Variants in ANKS1A observed in about 807,000 individuals in gnomAD.
The protein encoded by ANKS1A is ankyrin repeat and SAM domain-containing protein 1A.
ANKS1A carries 55 observed loss-of-function variants against 120.3 expected under a neutral mutation model. That is an observed-to-expected ratio of 0.46 (90% CI 0.37 to 0.57). ANKS1A has a LOEUF of 0.57. Among genes scored for constraint, ANKS1A ranks in the 20% least tolerant of loss-of-function variants. The pLI is 0.00. For missense variants in ANKS1A, 1,123 were observed against 1,480.3 expected, an observed-to-expected ratio of 0.76 and a Z score of 3.96; for synonymous variants, 590 against 604.7, an observed-to-expected ratio of 0.98 and a Z score of 0.36.
chr6:35,060,475 C>A lies in ANKS1A; in HGVS notation c.2184+222C>A, dbSNP rs1481132684. ...GCCCCAGAAACGGCTCCAGAGGGAGCTCTCTTTGCAGATCTGCTTCCCAAG... is the reference window on the plus strand; with the variant it reads ...GCCCCAGAAACGGCTCCAGAGGGAGATCTCTTTGCAGATCTGCTTCCCAAG... On this transcript the variant is annotated intron_variant, in intron 13 of 23. Coordinates refer to ENST00000360359, the MANE Select transcript of ANKS1A (RefSeq NM_015245.3). The surrounding 1 kb of genome is among the most constrained non-coding windows in gnomAD (Gnocchi z 4.5). Among the ~76,000 whole-genome samples the A allele has an allele frequency of 6.6e-6, 1 of 152,200 alleles. No homozygotes were observed. The highest frequency in any genetic ancestry group is 1.5e-5 in the Non-Finnish European group (1 of 68,032).
chr6:35,054,212 C>A (rs377670228), intron 12 of ANKS1A, 47 bp downstream of exon 12: 1 of 1,580,312 alleles, frequency 6.3e-7, no homozygotes, highest in Non-Finnish European at 8.7e-7. Context: ...GGCAGTCTGG[C>A]TCTTTTCTGG....
At chr6:34,993,780 A>T (rs554439829) in intron 9 of ANKS1A, among the ~76,000 whole-genome samples, 2 of 152,298 alleles carry the variant, frequency 1.3e-5, no homozygotes, top group Non-Finnish European at 2.9e-5. Flanking sequence ...TGCATATTAG[A>T]AAAGAAACGT....
chr6:34,966,390 GA>G (rs373020068), intron 1 of ANKS1A, among the ~76,000 whole-genome samples: 33 of 151,618 alleles, frequency 2.2e-4, no homozygotes, highest in East Asian at 9.7e-4. Context: ...CTTTTTGGGG[GA>G]AAAAAAATAG....
intron 1 of ANKS1A, among the ~76,000 whole-genome samples, chr6:34,925,889 T>A (rs969775406): frequency 6.6e-6 from 1 of 152,160 alleles, no homozygotes; most frequent in African/African-American, 2.4e-5. Context: ...GCTATAAATT[T>A]CATACAGCAT....
chr6:35,030,160 A>G (rs1411969539), intron 11 of ANKS1A, among the ~76,000 whole-genome samples: 1 of 152,224 alleles, frequency 6.6e-6, no homozygotes, highest in Non-Finnish European at 1.5e-5. Context: ...TTATTTCAGC[A>G]TTAATTAGCA....
chr6:34,985,375 C>A, intron 8 of ANKS1A, 97 bp downstream of exon 8: 1 of 1,277,382 alleles, frequency 7.8e-7, no homozygotes, highest in East Asian at 2.4e-5. Flanking sequence ...TCCCTGGTGC[C>A]AGCTCATGTT....
chr6:34,916,514 T>A (rs1294085150), intron 1 of ANKS1A, among the ~76,000 whole-genome samples: 3 of 152,174 alleles, frequency 2.0e-5, no homozygotes, highest in Non-Finnish European at 4.4e-5. Context: ...AAGCCTCTAT[T>A]TTAAGAAGAA....
At chr6:35,078,484 G>A in intron 13 of ANKS1A, 74 bp from the exon 14 acceptor site, 1 of 1,399,748 alleles carries the variant, frequency 7.1e-7, no homozygotes, top group Non-Finnish European at 1.0e-6. Flanking sequence ...GGCCCTGAAA[G>A]GCCCACCTGA....
chr6:35,083,122 T>C (rs1368370187), intron 18 of ANKS1A, 33 bp from the exon 19 acceptor site: 1 of 1,610,872 alleles, frequency 6.2e-7, no homozygotes, highest in South Asian at 1.1e-5. Context: ...AAACGCAGGA[T>C]TTCCTAAGCC....
intron 23 of ANKS1A, among the ~76,000 whole-genome samples, chr6:35,087,384 G>A (rs1044753473): frequency 2.0e-5 from 3 of 152,186 alleles, no homozygotes; most frequent in Admixed American, 1.3e-4. Flanking sequence ...TGTGAACCCC[G>A]ACGGGCAGGG....
chr6:34,975,844 C>G (rs1443169720), intron 3 of ANKS1A, among the ~76,000 whole-genome samples: 2 of 151,888 alleles, frequency 1.3e-5, no homozygotes, highest in Non-Finnish European at 2.9e-5. Context: ...TGATTCAAAT[C>G]TAACCTCCTT....
chr6:34,998,229 C>A (rs1269704156), intron 10 of ANKS1A, among the ~76,000 whole-genome samples: 1 of 152,170 alleles, frequency 6.6e-6, no homozygotes, highest in African/African-American at 2.4e-5. Flanking sequence ...TTCTGTATTT[C>A]CTTTAATGTC....
At position 35,088,877 on chromosome 6, in the gene ANKS1A, G is replaced by GT; in HGVS notation, c.*273dup. ...AGAAGTGACTTGTTCAGAACACATT[G>GT]TTTTTAACAGAAAAAAAATCTTTTT... On this transcript the variant is annotated 3_prime_UTR_variant, in exon 24 of 24. Transcript: ENST00000360359. 1 of 1,415,692 alleles carries GT rather than the reference G, an allele frequency of 7.1e-7. No individual in the cohort carries two copies. Among genetic ancestry groups the GT allele is most frequent in the South Asian group, 1.6e-5 (1 of 63,566 alleles). 87.7% of individuals were successfully genotyped at this position (1,415,692 alleles called of 1,614,324 possible). A position where few individuals can be genotyped will look rare whatever the true frequency, so the allele number is the denominator to read the frequency against.
At chr6:34,909,163 C>G (rs1217227856) in intron 1 of ANKS1A, among the ~76,000 whole-genome samples, 4 of 152,140 alleles carry the variant, frequency 2.6e-5, no homozygotes, top group Non-Finnish European at 5.9e-5. Flanking sequence ...TTTTTCTCCA[C>G]CGTACACCCA....
chr6:35,076,079 G>A (rs1223045956), intron 13 of ANKS1A, among the ~76,000 whole-genome samples: 1 of 152,082 alleles, frequency 6.6e-6, no homozygotes, highest in African/African-American at 2.4e-5. Flanking sequence ...TTCTTATTAT[G>A]TAAAGAACTC....
In ANKS1A at chr6:35,085,771, G is replaced by A; in HGVS notation, c.3138G>A (p.Leu1046=). The change falls in exon 22 of 24, where the codon CTG becomes CTA. Residue 1046 remains leucine (L), a synonymous_variant. Coordinates refer to ENST00000360359, the MANE Select transcript of ANKS1A (RefSeq NM_015245.3). The surrounding 1 kb of genome is among the most constrained non-coding windows in gnomAD (Gnocchi z 4.7). ...GGTGATCTGCTTCCTCCCAGAACCT[G>A]ACCTACGAGATCATCCTGACGCTGG... ...CHVFSTVDVN[L]TYEIILTLGQ... 3 of 1,589,852 alleles carry A rather than the reference G, an allele frequency of 1.9e-6. No homozygotes were observed. Among genetic ancestry groups the A allele is most frequent in the East Asian group, 4.5e-5 (2 of 44,532 alleles).
chr6:34,915,116 A>G (rs1191490500), intron 1 of ANKS1A, among the ~76,000 whole-genome samples: 2 of 152,254 alleles, frequency 1.3e-5, no homozygotes, highest in East Asian at 3.8e-4. Flanking sequence ...AGTATTAGCT[A>G]GCTCATCACT....
intron 1 of ANKS1A, among the ~76,000 whole-genome samples, chr6:34,958,590 C>G (rs1770484275): frequency 6.6e-6 from 1 of 152,132 alleles, no homozygotes; most frequent in Non-Finnish European, 1.5e-5. Flanking sequence ...TCTAAAACAC[C>G]CATCTGATTA....
chr6:35,024,144 G>T (rs1182044417), intron 11 of ANKS1A, among the ~76,000 whole-genome samples: 1 of 152,184 alleles, frequency 6.6e-6, no homozygotes, highest in Non-Finnish European at 1.5e-5. Context: ...CAAGCTGGCA[G>T]TGTCCTCAGC....
Sources: gnomAD v4.1 joint callset for allele counts (sites outside exome capture counted in the v4.1 genomes callset) on GRCh38, gnomAD v4.1.1 for gene constraint, Gnocchi (gnomAD v3.1) non-coding constraint, MANE v1.5 for transcripts, NCBI Gene and HGNC (gene_info 2026-07-23, HGNC 2026-07-21) for gene names.